HEXB: variants seen among roughly 807,000 people sequenced by gnomAD.
HEXB encodes beta-hexosaminidase subunit beta.
A neutral mutation model predicts 71.2 loss-of-function variants in HEXB; 51 were observed. That is an observed-to-expected ratio of 0.72 (90% CI 0.57 to 0.90). The LOEUF is 0.90. Ranked by LOEUF, HEXB falls within the 40% of genes least tolerant of loss-of-function variation. HEXB has a pLI of 0.00. For missense variants in HEXB, 617 were observed against 677.0 expected, an observed-to-expected ratio of 0.91 and a Z score of 0.98; for synonymous variants, 266 against 249.3, an observed-to-expected ratio of 1.07 and a Z score of -0.63.
At chr5:74,703,102 G>A (rs757178981) in intron 5 of HEXB, among the ~76,000 whole-genome samples, 2 of 152,124 alleles carry the variant, frequency 1.3e-5, no homozygotes, top group African/African-American at 2.4e-5. Context: ...ACAGGCATCC[G>A]CCACCACGCC....
chr5:74,678,749 C>T (rs556033307), intron 1 of HEXB, among the ~76,000 whole-genome samples: 1 of 151,984 alleles, frequency 6.6e-6, no homozygotes, highest in Non-Finnish European at 1.5e-5. Flanking sequence ...AACAACATAC[C>T]ACATAAATAA....
upstream of HEXB, among the ~76,000 whole-genome samples, chr5:74,683,157 GAAC>G (rs1466395868): frequency 1.3e-5 from 2 of 152,118 alleles, no homozygotes; most frequent in Admixed American, 1.3e-4. Context: ...GGCCACTCTG[GAAC>G]AAAAGTCTTG....
rs555726438 is a variant in HEXB, at chr5:74,666,838, A to AAC, written c.-376-22480_-376-22479dup. ...CACACACACACATATAGAGAGAGAG[A>AAC]ACACACACACATATATATAGGGAAA... On this transcript the variant is annotated intron_variant, in intron 1 of 13. Coordinates refer to the HEXB transcript ENST00000511181. Among the ~76,000 whole-genome samples the AAC allele has an allele frequency of 3.2e-3, 486 of 152,250 alleles. 4 individuals carry two copies. Among genetic ancestry groups the AAC allele is most frequent in the African/African-American group, 0.011 (444 of 41,528 alleles).
intron 1 of HEXB, among the ~76,000 whole-genome samples, chr5:74,650,265 A>G (rs1748077813): frequency 6.6e-6 from 1 of 152,260 alleles, no homozygotes; most frequent in African/African-American, 2.4e-5. Context: ...TCAATCGTCT[A>G]GAAGCCAGCT....
At chr5:74,671,417 A>C (rs538079967) in intron 1 of HEXB, among the ~76,000 whole-genome samples, 7 of 146,758 alleles carry the variant, frequency 4.8e-5, no homozygotes, top group East Asian at 3.9e-4. Flanking sequence ...GAAACCAGAC[A>C]AAAAAAAAAG....
At chr5:74,664,175 G>A (rs1369541858) in intron 1 of HEXB, among the ~76,000 whole-genome samples, 1 of 151,806 alleles carries the variant, frequency 6.6e-6, no homozygotes, top group African/African-American at 2.4e-5. Flanking sequence ...AGAATGGCTT[G>A]TACCTGGGAG....
chr5:74,662,700 G>T (rs1235004269), intron 1 of HEXB, among the ~76,000 whole-genome samples: 2 of 152,082 alleles, frequency 1.3e-5, no homozygotes, highest in Non-Finnish European at 2.9e-5. Context: ...AGAAACATTT[G>T]CTTATTTATA....
intron 2 of HEXB, among the ~76,000 whole-genome samples, chr5:74,690,806 A>G (rs1748986131): frequency 6.6e-6 from 1 of 152,140 alleles, no homozygotes; most frequent in African/African-American, 2.4e-5. Flanking sequence ...ATTTCTCAAT[A>G]ATACATCTCT....
In HEXB at chr5:74,718,877, C is replaced by T; in HGVS notation, c.1323C>T (p.Phe441=). 1.2e-6 allele frequency: 2 copies of T among 1,614,026 alleles called. No homozygotes were observed. The change falls in exon 11 of 14, where the codon TTC becomes TTT. Residue 441 remains phenylalanine (F), a synonymous_variant. Coordinates refer to ENST00000261416, the MANE Select transcript of HEXB (RefSeq NM_000521.4). ...EELSRVTASG[F]PVILSAPWYL... ...TCAGTAGAGTCACAGCATCTGGCTT[C>T]CCTGTAATCCTTTCTGCTCCTTGGT...
chr5:74,701,621 T>G (rs1327342944), intron 5 of HEXB, among the ~76,000 whole-genome samples: 1 of 152,124 alleles, frequency 6.6e-6, no homozygotes, highest in East Asian at 1.9e-4. Context: ...TTTTTATTTT[T>G]GTTTTTGTTT....
intron 1 of HEXB, among the ~76,000 whole-genome samples, chr5:74,649,861 T>A (rs1464363770): frequency 6.6e-6 from 1 of 152,212 alleles, no homozygotes; most frequent in Non-Finnish European, 1.5e-5. Flanking sequence ...ATCAAATTGC[T>A]CTTTTAAATT....
chr5:74,677,430 T>C (rs1748651397), intron 1 of HEXB, among the ~76,000 whole-genome samples: 1 of 151,930 alleles, frequency 6.6e-6, no homozygotes, highest in Non-Finnish European at 1.5e-5. Context: ...TCAGATTCTA[T>C]TGGGGCAGGA....
At chr5:74,717,335 A>G (rs1225790908) in intron 9 of HEXB, among the ~76,000 whole-genome samples, 1 of 152,150 alleles carries the variant, frequency 6.6e-6, no homozygotes, top group African/African-American at 2.4e-5. Flanking sequence ...TACCCAATAC[A>G]GTAGCCATAG....
In HEXB at chr5:74,720,463, G is replaced by A. The variant is rs766877833; in HGVS notation, c.1453G>A (p.Glu485Lys). ...QKQKQLFIGGEACLWGEYVDA... is the reference protein window; with the variant it reads ...QKQKQLFIGGKACLWGEYVDA... ...ACAGAAACAACTTTTCATTGGTGGA[G>A]AAGCTTGTCTATGGGGAGAATATGT... is the stretch of plus-strand genomic sequence containing the variant. The change falls in exon 12 of 14, where the codon GAA (glutamate) becomes AAA (lysine). Residue 485 changes from glutamate (E) to lysine (K), a missense_variant. Physicochemically the swap from Glu to Lys is moderately conservative, Grantham distance 56. Coordinates refer to ENST00000261416, the MANE Select transcript of HEXB (RefSeq NM_000521.4). 2 of 1,613,632 alleles carry A rather than the reference G, an allele frequency of 1.2e-6. No homozygotes were observed. The highest frequency in any genetic ancestry group is 8.5e-7 in the Non-Finnish European group (1 of 1,179,492).
intron 1 of HEXB, among the ~76,000 whole-genome samples, chr5:74,662,364 G>A (rs1748342961): frequency 6.6e-6 from 1 of 152,080 alleles, no homozygotes; most frequent in African/African-American, 2.4e-5. Flanking sequence ...TGCCCATTTT[G>A]TTTTGAGTTA....
chr5:74,691,740 G>A (rs1749008345), intron 2 of HEXB, among the ~76,000 whole-genome samples: 1 of 152,194 alleles, frequency 6.6e-6, no homozygotes, highest in Non-Finnish European at 1.5e-5. Context: ...TCTCAAAGGA[G>A]ATTTTAGCCT....
chr5:74,654,502 G>A (rs576220506), intron 1 of HEXB, among the ~76,000 whole-genome samples: 1 of 152,050 alleles, frequency 6.6e-6, no homozygotes, highest in South Asian at 2.1e-4. Context: ...TTGGAAGTGA[G>A]GTAAACCCTT....
chr5:74,682,782 G>A (rs990243357), upstream of HEXB, among the ~76,000 whole-genome samples: 3 of 152,198 alleles, frequency 2.0e-5, no homozygotes, highest in Non-Finnish European at 2.9e-5. Flanking sequence ...TTCTTTTATG[G>A]AAGAATTTTA....
intron 6 of HEXB, among the ~76,000 whole-genome samples, chr5:74,710,519 G>C (rs530790034): frequency 6.6e-6 from 1 of 152,082 alleles, no homozygotes; most frequent in Non-Finnish European, 1.5e-5. Flanking sequence ...CAGATGACAT[G>C]ATTGTATATC....
Sources: gnomAD v4.1 joint callset for allele counts (sites outside exome capture counted in the v4.1 genomes callset) on GRCh38, gnomAD v4.1.1 for gene constraint, MANE v1.5 for transcripts, NCBI Gene and HGNC (gene_info 2026-07-23, HGNC 2026-07-21) for gene names.